HRH1: variants seen among roughly 807,000 people sequenced by gnomAD.
HRH1 encodes the protein histamine H1 receptor.
A neutral mutation model predicts 10.3 loss-of-function variants in HRH1; 6 were observed. The observed-to-expected ratio is 0.58, with a 90% CI of 0.32 to 1.15. The LOEUF (loss-of-function observed/expected upper bound fraction) is 1.15. Ranked by LOEUF, HRH1 falls within the 50% of genes most tolerant of loss-of-function variation. The pLI is 0.05. For missense variants in HRH1, 514 were observed against 615.3 expected (o/e 0.84, Z 1.74); for synonymous variants, 242 against 236.7 (o/e 1.02, Z -0.21).
At chr3:11,185,086 C>G (rs963104448) in intron 1 of HRH1, among the ~76,000 whole-genome samples, 4 of 151,502 alleles carry the variant, frequency 2.6e-5, no homozygotes, top group African/African-American at 9.7e-5. Context: ...ATCATGGGCC[C>G]CAAATATACA....
intron 1 of HRH1, among the ~76,000 whole-genome samples, chr3:11,242,149 T>C (rs1939361064): frequency 6.6e-6 from 1 of 152,170 alleles, no homozygotes; most frequent in South Asian, 2.1e-4. Context: ...TCACAGTAAA[T>C]GTTGCTGCTC....
intron 1 of HRH1, among the ~76,000 whole-genome samples, chr3:11,224,861 G>A (rs1335823017): frequency 6.6e-6 from 1 of 152,196 alleles, no homozygotes; most frequent in Non-Finnish European, 1.5e-5. Flanking sequence ...AAAGGTTGCT[G>A]TGGGGATTGA....
intron 1 of HRH1, among the ~76,000 whole-genome samples, chr3:11,228,911 CAAAA>C (rs10710059): frequency 6.1e-5 from 7 of 115,562 alleles, no homozygotes; most frequent in Non-Finnish European, 1.9e-5. Context: ...GAGAGTATGT[CAAAA>C]AAAAAAAAAA....
At chr3:11,256,443 G>T (rs546590543) in intron 1 of HRH1, among the ~76,000 whole-genome samples, 1 of 152,070 alleles carries the variant, frequency 6.6e-6, no homozygotes, top group Admixed American at 6.5e-5. Flanking sequence ...CATTTAAAAG[G>T]TTCCTTCCAC....
At chr3:11,177,242 A>T (rs573424366) in intron 1 of HRH1, among the ~76,000 whole-genome samples, 6 of 150,148 alleles carry the variant, frequency 4.0e-5, no homozygotes, top group African/African-American at 1.5e-4. Flanking sequence ...CCTATCTCTA[A>T]AATAAATAAA....
chr3:11,241,467 C>T (rs772505437), intron 1 of HRH1, among the ~76,000 whole-genome samples: 1 of 152,012 alleles, frequency 6.6e-6, no homozygotes, highest in Non-Finnish European at 1.5e-5. Flanking sequence ...GTAAAACGCA[C>T]CAATCAGCAC....
At chr3:11,226,030 A>G (rs1938870582) in intron 1 of HRH1, 1 of 152,480 alleles carries the variant, frequency 6.6e-6, no homozygotes, top group African/African-American at 2.4e-5. Context: ...GAGAACAGGC[A>G]TTCCCGGCAG....
intron 1 of HRH1, among the ~76,000 whole-genome samples, chr3:11,168,506 G>A (rs1255915444): frequency 2.6e-5 from 4 of 152,218 alleles, no homozygotes; most frequent in Admixed American, 6.5e-5. Flanking sequence ...GGTCTGTTTC[G>A]AAGGCAGGAC....
chr3:11,201,753 T>C (rs1937919506), intron 1 of HRH1, among the ~76,000 whole-genome samples: 1 of 152,228 alleles, frequency 6.6e-6, no homozygotes, highest in South Asian at 2.1e-4. Flanking sequence ...GTCTGGGCCT[T>C]GCCAAGTGCC....
intron 1 of HRH1, among the ~76,000 whole-genome samples, chr3:11,166,143 T>C (rs1414304060): frequency 1.3e-5 from 2 of 152,152 alleles, no homozygotes; most frequent in Non-Finnish European, 2.9e-5. Flanking sequence ...TGCTCCCACC[T>C]TCTCAGCCCA....
chr3:11,170,494 G>A (rs970946251), intron 1 of HRH1, among the ~76,000 whole-genome samples: 1 of 152,254 alleles, frequency 6.6e-6, no homozygotes, highest in East Asian at 1.9e-4. Context: ...ATTTTGAACC[G>A]GCGGCCTGGT....
chr3:11,189,910 G>A (rs368518098), intron 1 of HRH1, among the ~76,000 whole-genome samples: 10 of 152,014 alleles, frequency 6.6e-5, no homozygotes, highest in African/African-American at 9.7e-5. Flanking sequence ...AGATCATGCC[G>A]CTGCACTCCA....
intron 1 of HRH1, among the ~76,000 whole-genome samples, chr3:11,181,176 A>G (rs1937345056): frequency 6.6e-6 from 1 of 152,110 alleles, no homozygotes; most frequent in Admixed American, 6.6e-5. Context: ...CCAGCCACTC[A>G]GGAGGCTGAG....
intron 1 of HRH1, among the ~76,000 whole-genome samples, chr3:11,220,399 T>C (rs759257818): frequency 1.3e-5 from 2 of 152,216 alleles, no homozygotes; most frequent in Non-Finnish European, 2.9e-5. Context: ...ACAGTACTGC[T>C]GAGGTGCAGT....
In HRH1 at chr3:11,259,111, C is replaced by T. The variant is rs752822820; in HGVS notation, c.74C>T (p.Pro25Leu). 1.2e-6 allele frequency: 2 copies of T among 1,614,100 alleles called. No homozygotes were observed. Among genetic ancestry groups the T allele is most frequent in the Admixed American group, 3.3e-5 (2 of 60,010 alleles). ...GGCAACAAGACCACTATGGCCAGCC[C>T]CCAGCTGATGCCCCTGGTGGTGGTC... ...CEGNKTTMAS[P>L]QLMPLVVVLS... The change falls in exon 2 of 2, where the codon CCC becomes CTC. Residue 25 changes from proline (P) to leucine (L), a missense_variant. Transcript: ENST00000431010. This position sits in a 1 kb window ranked among gnomAD's most constrained non-coding sequence, Gnocchi z 4.6.
chr3:11,179,867 C>A (rs1937319533), intron 1 of HRH1, among the ~76,000 whole-genome samples: 1 of 151,192 alleles, frequency 6.6e-6, no homozygotes, highest in Admixed American at 6.6e-5. Context: ...ATCCCCTGGG[C>A]TCAAGCAGTC....
chr3:11,252,704 T>A (rs1270716523), intron 1 of HRH1: 2 of 152,228 alleles, frequency 1.3e-5, no homozygotes, highest in African/African-American at 4.8e-5. Context: ...AAGGCAGTAT[T>A]GGAGTGTTAC....
intron 1 of HRH1, among the ~76,000 whole-genome samples, chr3:11,181,569 G>T (rs1266629653): frequency 4.0e-5 from 6 of 151,422 alleles, no homozygotes; most frequent in Non-Finnish European, 8.8e-5. Flanking sequence ...GCCTTTTCAT[G>T]GGCTTATTGA....
chr3:11,164,108 G>C (rs190203215), intron 1 of HRH1, among the ~76,000 whole-genome samples: 61 of 152,352 alleles, frequency 4.0e-4, no homozygotes, highest in African/African-American at 1.3e-3. Context: ...TGAAACATAA[G>C]GGATCAATGG....
Sources: gnomAD v4.1 joint callset for allele counts (sites outside exome capture counted in the v4.1 genomes callset) on GRCh38, gnomAD v4.1.1 for gene constraint, Gnocchi (gnomAD v3.1) non-coding constraint, MANE v1.5 for transcripts, NCBI Gene and HGNC (gene_info 2026-07-23, HGNC 2026-07-21) for gene names.